Variants in PIGL observed in about 807,000 individuals in gnomAD.
PIGL encodes the protein phosphatidylinositol glycan anchor biosynthesis class L.
Under a neutral mutation model 31.1 loss-of-function variants are expected in PIGL, and 22 were observed. The observed-to-expected ratio is 0.71, with a 90% CI of 0.51 to 1.01. The LOEUF (loss-of-function observed/expected upper bound fraction) is 1.01, where lower values mean the gene tolerates loss of function less well. Among genes scored for constraint, PIGL ranks in the 50% least tolerant of loss-of-function variants. The pLI, the probability that PIGL is intolerant of heterozygous loss-of-function variation, is 0.00. For missense variants in PIGL, 302 were observed against 315.9 expected (o/e 0.96, Z 0.33); for synonymous variants, 131 against 117.4 (o/e 1.12, Z -0.75).
intron 6 of PIGL, among the ~76,000 whole-genome samples, chr17:16,323,163 A>C (rs1422266991): frequency 6.6e-6 from 1 of 152,182 alleles, no homozygotes; most frequent in East Asian, 1.9e-4. Flanking sequence ...AGTATTCACT[A>C]ATTCAGTGTT....
At chr17:16,303,906 G>A (rs2093015860) in intron 3 of PIGL, among the ~76,000 whole-genome samples, 1 of 152,050 alleles carries the variant, frequency 6.6e-6, no homozygotes. Flanking sequence ...AGTAGAGACG[G>A]GGTTTCGCCG....
intron 2 of PIGL, among the ~76,000 whole-genome samples, chr17:16,293,471 T>A (rs993486747): frequency 6.6e-5 from 10 of 152,116 alleles, no homozygotes; most frequent in African/African-American, 2.4e-4. Context: ...GAGGTTGCAG[T>A]GAGCCGAGAT....
chr17:16,273,718 G>A (rs945427682), intron 2 of PIGL, among the ~76,000 whole-genome samples: 1 of 152,126 alleles, frequency 6.6e-6, no homozygotes, highest in East Asian at 1.9e-4. Context: ...AAAAAACAAA[G>A]GGTCTCCCAG....
chr17:16,315,992 G>A (rs1468971725), intron 4 of PIGL, among the ~76,000 whole-genome samples: 1 of 151,986 alleles, frequency 6.6e-6, no homozygotes, highest in Non-Finnish European at 1.5e-5. Context: ...CACCGCGCCC[G>A]GCTCCTTTTT....
intron 2 of PIGL, among the ~76,000 whole-genome samples, chr17:16,274,439 G>A (rs2092885121): frequency 1.3e-5 from 2 of 152,058 alleles, no homozygotes; most frequent in African/African-American, 4.8e-5. Context: ...GGAAGTAAAG[G>A]AGGCCGGGTG....
chr17:16,295,007 C>G (rs1242144436), intron 2 of PIGL, among the ~76,000 whole-genome samples: 2 of 152,208 alleles, frequency 1.3e-5, no homozygotes, highest in Non-Finnish European at 2.9e-5. Flanking sequence ...AAACAGGTCT[C>G]TATATTAAAT....
At chr17:16,226,961 T>C (rs565465878) in intron 1 of PIGL, among the ~76,000 whole-genome samples, 9 of 152,258 alleles carry the variant, frequency 5.9e-5, no homozygotes, top group Non-Finnish European at 1.3e-4. Flanking sequence ...CTTACTTTCC[T>C]GCTAGTTAAA....
chr17:16,228,310 G>A (rs571084541), intron 1 of PIGL, among the ~76,000 whole-genome samples: 26 of 151,656 alleles, frequency 1.7e-4, no homozygotes, highest in Non-Finnish European at 2.8e-4. Flanking sequence ...CACCTTCCTC[G>A]GCCTCCCAAA....
chr17:16,225,383 CTTTTTTTTT>C (rs948575134), intron 1 of PIGL, among the ~76,000 whole-genome samples: 3 of 97,566 alleles, frequency 3.1e-5, no homozygotes, highest in Non-Finnish European at 6.2e-5. Flanking sequence ...AAGCACGTTT[CTTTTTTTTT>C]TTTTTTTTTT....
intron 3 of PIGL, among the ~76,000 whole-genome samples, chr17:16,300,535 G>C (rs1279486141): frequency 6.6e-6 from 1 of 152,056 alleles, no homozygotes; most frequent in South Asian, 2.1e-4. Context: ...ACAAAAATTA[G>C]CCGGGCGTGG....
chr17:16,316,734 A>G, intron 5 of PIGL, 22 bp downstream of exon 5: 3 of 1,609,352 alleles, frequency 1.9e-6, no homozygotes, highest in Non-Finnish European at 2.6e-6. Flanking sequence ...TCCTTTTGCA[A>G]AGGGCCACAA....
intron 3 of PIGL, among the ~76,000 whole-genome samples, chr17:16,309,547 G>C (rs527338659): frequency 8.8e-5 from 13 of 147,122 alleles, no homozygotes; most frequent in African/African-American, 3.0e-4. Context: ...TGGATCACCA[G>C]GTCAGGAGTT....
At position 16,264,898 on chromosome 17, in the gene PIGL, A is replaced by G. The variant is rs1004736427; in HGVS notation, c.335+30828A>G. Among the ~76,000 whole-genome samples the G allele has an allele frequency of 3.9e-5, 6 of 152,164 alleles. No individual in the cohort carries two copies. In the South Asian group the frequency reaches 8.3e-4, roughly 21 times the overall value. ...CTCCTCTGCCTCCCAAAGTGCTGGG[A>G]TTACAGGCGTGAGCCACCGCGCCTG... On this transcript the variant is annotated intron_variant, in intron 2 of 6. Coordinates refer to ENST00000225609, the MANE Select transcript of PIGL (RefSeq NM_004278.4).
intron 1 of PIGL, chr17:16,217,925 G>T (rs2092602011): frequency 6.5e-6 from 1 of 152,728 alleles, no homozygotes; most frequent in Admixed American, 6.5e-5. Context: ...CTAGTAACAT[G>T]CATGTGTCAA....
In PIGL at chr17:16,247,173, T is replaced by C. The variant is rs115428227; in HGVS notation, c.335+13103T>C. Among the ~76,000 whole-genome samples the C allele has an allele frequency of 6.0e-3, 921 of 152,298 alleles. 16 individuals carry two copies. Among genetic ancestry groups the C allele is most frequent in the African/African-American group, 0.021 (854 of 41,564 alleles). ...CCCACTCGTATGACCTCATGTGATC[T>C]TAGTTACCTCCTAAAACCCTATCTC... is the stretch of plus-strand genomic sequence containing the variant. On this transcript the variant is annotated intron_variant, in intron 2 of 6. Coordinates refer to ENST00000225609, the MANE Select transcript of PIGL (RefSeq NM_004278.4).
intron 6 of PIGL, among the ~76,000 whole-genome samples, chr17:16,319,315 C>T (rs988112462): frequency 2.6e-5 from 4 of 151,564 alleles, no homozygotes; most frequent in African/African-American, 4.8e-5. Flanking sequence ...CTGCCAATTA[C>T]GCCACTGTAT....
intron 1 of PIGL, among the ~76,000 whole-genome samples, chr17:16,223,460 C>T (rs1489770649): frequency 1.3e-5 from 2 of 152,120 alleles, no homozygotes; most frequent in African/African-American, 2.4e-5. Flanking sequence ...GCCTGTAATC[C>T]CAGCTACTCA....
chr17:16,274,667 G>A (rs1214435941), intron 2 of PIGL, among the ~76,000 whole-genome samples: 3 of 151,716 alleles, frequency 2.0e-5, no homozygotes, highest in Non-Finnish European at 4.4e-5. Context: ...AGGTTGCATT[G>A]AGCTGAGATA....
chr17:16,306,216 C>T (rs566001879), intron 3 of PIGL, among the ~76,000 whole-genome samples: 104 of 152,012 alleles, frequency 6.8e-4, no homozygotes, highest in African/African-American at 1.8e-3. Context: ...CCCAAAGTGT[C>T]GGGATTACAG....
Sources: gnomAD v4.1 joint callset for allele counts (sites outside exome capture counted in the v4.1 genomes callset) on GRCh38, gnomAD v4.1.1 for gene constraint, MANE v1.5 for transcripts, NCBI Gene and HGNC (gene_info 2026-07-23, HGNC 2026-07-21) for gene names.